Variants in DSCAM observed in about 807,000 individuals in gnomAD.
DSCAM encodes the protein cell adhesion molecule DSCAM.
In DSCAM, 47 loss-of-function variants were observed where a neutral mutation model predicts 217.7. The ratio of observed to expected loss-of-function variants is 0.22; its 90% CI spans 0.17 to 0.28. DSCAM has a LOEUF of 0.28. DSCAM is among the 10% of genes least tolerant of loss of function. The pLI is 1.00. For missense variants in DSCAM, 2,080 were observed against 2,618.3 expected, an observed-to-expected ratio of 0.79 and a Z score of 4.49; for synonymous variants, 1,056 against 1,015.3, an observed-to-expected ratio of 1.04 and a Z score of -0.76.
Position 40,339,265 on chromosome 21 carries a change from C to G in DSCAM, c.1361G>C (p.Arg454Pro). 1 of 1,614,126 alleles carries G rather than the reference C, an allele frequency of 6.2e-7. No homozygotes were observed. The highest frequency in any genetic ancestry group is 8.5e-7 in the Non-Finnish European group (1 of 1,180,024). The stretch of plus-strand genomic sequence containing the variant: ...CTCCGACGTGATCATCTGGCTGATG[C>G]GGTGACTGCCACCCTTGAGAATCGG... Reference protein sequence around the residue: ...DDPILKGGSHRISQMITSEGN... With the variant: ...DDPILKGGSHPISQMITSEGN... Residue 454 changes from arginine (R) to proline (P), a missense_variant, in exon 7 of 33, where the codon CGC becomes CCC. Physicochemically the swap from Arg to Pro is moderately radical, Grantham distance 103. Transcript: ENST00000400454.
At chr21:40,370,810 C>T (rs921815801) in intron 3 of DSCAM, among the ~76,000 whole-genome samples, 7 of 151,864 alleles carry the variant, frequency 4.6e-5, no homozygotes, top group African/African-American at 9.7e-5. Flanking sequence ...TTTATAGAGA[C>T]GAGATCTCAC....
chr21:40,659,890 C>T (rs2205140), intron 3 of DSCAM, among the ~76,000 whole-genome samples: 129 of 152,216 alleles, frequency 8.5e-4, no homozygotes, highest in African/African-American at 2.9e-3. Context: ...TACATGTAAG[C>T]GAAGACCAGA....
At chr21:40,814,754 G>A (rs754519851) in intron 1 of DSCAM, among the ~76,000 whole-genome samples, 4 of 152,168 alleles carry the variant, frequency 2.6e-5, no homozygotes, top group African/African-American at 7.2e-5. Flanking sequence ...TAAAAACACT[G>A]GGACCAACCA....
chr21:40,545,174 C>T lies in DSCAM; in HGVS notation c.508+147636G>A, dbSNP rs950306968. 2.6e-5 allele frequency among the ~76,000 whole-genome samples: 4 copies of T among 152,090 alleles called. No homozygotes were observed. The East Asian group carries it at 5.8e-4, about 22-fold the overall frequency. On this transcript the variant is annotated intron_variant, in intron 3 of 32. Coordinates refer to ENST00000400454, the MANE Select transcript of DSCAM (RefSeq NM_001389.5). ...GGGATACAAGGACACAGTAAGAAGG[C>T]CACCATCTGAAAGCCACATGGACAT...
At chr21:40,549,634 G>GTTCTAGGTATGAAAGGTATGA (rs2076613615) in intron 3 of DSCAM, among the ~76,000 whole-genome samples, 1 of 152,300 alleles carries the variant, frequency 6.6e-6, no homozygotes, top group African/African-American at 2.4e-5. Flanking sequence ...AAAGGGTATG[G>GTTCTAGGTATGAAAGGTATGA]AAGACCTAGG....
chr21:40,674,668 T>G (rs1422960133), intron 3 of DSCAM, among the ~76,000 whole-genome samples: 1 of 144,356 alleles, frequency 6.9e-6, no homozygotes, highest in Non-Finnish European at 1.5e-5. Context: ...AGTCTCGCTT[T>G]GTCTCCCAGG....
intron 3 of DSCAM, among the ~76,000 whole-genome samples, chr21:40,518,090 C>T (rs968194233): frequency 2.6e-5 from 4 of 151,504 alleles, no homozygotes; most frequent in African/African-American, 9.7e-5. Context: ...AAGGAGGGCA[C>T]ATAGAACCTC....
intron 10 of DSCAM, among the ~76,000 whole-genome samples, chr21:40,286,145 C>T (rs995267451): frequency 6.6e-6 from 1 of 151,750 alleles, no homozygotes; most frequent in Non-Finnish European, 1.5e-5. Flanking sequence ...GGCTTGTGGT[C>T]AGAAGTTTTA....
intron 3 of DSCAM, among the ~76,000 whole-genome samples, chr21:40,632,238 C>T (rs1301215254): frequency 6.6e-6 from 1 of 151,492 alleles, no homozygotes; most frequent in African/African-American, 2.4e-5. Context: ...AAGACAAATC[C>T]AGCTATTGTA....
At chr21:40,523,602 G>A (rs1349950342) in intron 3 of DSCAM, among the ~76,000 whole-genome samples, 1 of 152,174 alleles carries the variant, frequency 6.6e-6, no homozygotes, top group African/African-American at 2.4e-5. Flanking sequence ...CCCATCTGCT[G>A]AGAGCTTCTT....
intron 19 of DSCAM, among the ~76,000 whole-genome samples, chr21:40,131,626 T>C (rs1361786577): frequency 2.0e-5 from 3 of 152,178 alleles, no homozygotes; most frequent in South Asian, 2.1e-4. Flanking sequence ...GGTTTCACCA[T>C]GTTGGCCAGG....
intron 1 of DSCAM, among the ~76,000 whole-genome samples, chr21:40,805,699 T>C (rs1335847071): frequency 7.5e-6 from 1 of 132,928 alleles, no homozygotes; most frequent in Admixed American, 8.0e-5. Context: ...AAACACAATG[T>C]TTTCTTTCTT....
At chr21:40,408,642 T>C (rs1487486049) in intron 3 of DSCAM, among the ~76,000 whole-genome samples, 1 of 152,200 alleles carries the variant, frequency 6.6e-6, no homozygotes, top group Non-Finnish European at 1.5e-5. Context: ...ACATCATTTA[T>C]GGATATTCAG....
chr21:40,471,199 A>T (rs561023822), intron 3 of DSCAM, among the ~76,000 whole-genome samples: 4 of 152,318 alleles, frequency 2.6e-5, no homozygotes, highest in African/African-American at 9.6e-5. Flanking sequence ...CGAGCACTTT[A>T]CTTCTAAAGT....
chr21:40,640,741 A>T (rs1283314902), intron 3 of DSCAM, among the ~76,000 whole-genome samples: 1 of 152,042 alleles, frequency 6.6e-6, no homozygotes, highest in Non-Finnish European at 1.5e-5. Context: ...AGTAATTTGG[A>T]TAAGTATCCA....
At chr21:40,751,166 C>T (rs528411796) in intron 1 of DSCAM, among the ~76,000 whole-genome samples, 1 of 152,240 alleles carries the variant, frequency 6.6e-6, no homozygotes, top group East Asian at 1.9e-4. Flanking sequence ...CCGCTGACAT[C>T]CCCAGGACTC....
chr21:40,659,009 G>A (rs2090106452), intron 3 of DSCAM, among the ~76,000 whole-genome samples: 1 of 152,140 alleles, frequency 6.6e-6, no homozygotes, highest in Admixed American at 6.6e-5. Context: ...TAATCAACTT[G>A]AGCTCTTAAG....
At chr21:40,694,656 T>C (rs903730730) in intron 2 of DSCAM, among the ~76,000 whole-genome samples, 1 of 151,610 alleles carries the variant, frequency 6.6e-6, no homozygotes. Flanking sequence ...ATCACTGTAA[T>C]CCCCAAGCGG....
chr21:40,568,217 A>T (rs2076780061), intron 3 of DSCAM, among the ~76,000 whole-genome samples: 1 of 152,186 alleles, frequency 6.6e-6, no homozygotes, highest in African/African-American at 2.4e-5. Flanking sequence ...TACCATTCTG[A>T]CAGTTTCCCA....
Sources: allele counts gnomAD v4.1 joint callset (sites outside exome capture counted in the v4.1 genomes callset), GRCh38; gene constraint gnomAD v4.1.1; transcripts MANE v1.5; gene names NCBI Gene and HGNC (gene_info 2026-07-23, HGNC 2026-07-21).